Variants in ZFAT observed in about 807,000 individuals in gnomAD.
The protein encoded by ZFAT is zinc finger and AT-hook domain containing, also known as zinc finger protein ZFAT.
A neutral mutation model predicts 117.7 loss-of-function variants in ZFAT; 64 were observed. The observed-to-expected ratio is 0.54, with a 90% CI of 0.44 to 0.67. The LOEUF (loss-of-function observed/expected upper bound fraction) is 0.67. ZFAT is among the 30% of genes least tolerant of loss of function. ZFAT has a pLI of 0.00. For missense variants in ZFAT, 1,433 were observed against 1,584.5 expected, an observed-to-expected ratio of 0.90 and a Z score of 1.62; for synonymous variants, 679 against 615.0, an observed-to-expected ratio of 1.10 and a Z score of -1.54.
chr8:134,484,559 G>C (rs949240908), intron 15 of ZFAT, among the ~76,000 whole-genome samples: 1 of 152,158 alleles, frequency 6.6e-6, no homozygotes, highest in East Asian at 1.9e-4. Context: ...TCTATGGAAG[G>C]GAAGTCAAGG....
the ZFAT span, among the ~76,000 whole-genome samples, chr8:134,737,023 A>C: frequency 6.6e-6 from 1 of 152,190 alleles, no homozygotes; most frequent in African/African-American, 2.4e-5. Context: ...GCTCACGCCT[A>C]TAATCCCAGC....
the ZFAT span, among the ~76,000 whole-genome samples, chr8:134,832,284 T>G: frequency 1.3e-5 from 2 of 151,674 alleles, no homozygotes; most frequent in African/African-American, 4.8e-5. Context: ...GTTTGACCTT[T>G]CCCTCCAGTG....
chr8:134,594,340 C>A (rs577278944), intron 7 of ZFAT, among the ~76,000 whole-genome samples: 1 of 152,202 alleles, frequency 6.6e-6, no homozygotes, highest in Non-Finnish European at 1.5e-5. Context: ...AGTACACATA[C>A]TGACCGGGTG....
At chr8:134,687,066 G>A (rs1469040965) in intron 1 of ZFAT, among the ~76,000 whole-genome samples, 1 of 152,100 alleles carries the variant, frequency 6.6e-6, no homozygotes, top group Non-Finnish European at 1.5e-5. Flanking sequence ...ACCCTGCAGG[G>A]ACACAATATG....
the ZFAT span, among the ~76,000 whole-genome samples, chr8:134,728,326 G>A: frequency 6.6e-6 from 1 of 151,924 alleles, no homozygotes; most frequent in Non-Finnish European, 1.5e-5. Context: ...AAATGGAATT[G>A]TGCAAAATAT....
the ZFAT span, among the ~76,000 whole-genome samples, chr8:134,783,262 G>A: frequency 2.5e-4 from 38 of 152,202 alleles, no homozygotes; most frequent in Admixed American, 8.5e-4. Flanking sequence ...CCCCTGGGCC[G>A]AGGACCAGTA....
At chr8:134,665,504 G>A (rs1832168227) in intron 1 of ZFAT, among the ~76,000 whole-genome samples, 1 of 152,244 alleles carries the variant, frequency 6.6e-6, no homozygotes, top group African/African-American at 2.4e-5. Context: ...AGGGCAGGAT[G>A]AGTGGAACAA....
At chr8:134,761,694 G>A in the ZFAT span, among the ~76,000 whole-genome samples, 854 of 150,858 alleles carry the variant, frequency 5.7e-3, 10 homozygotes, top group African/African-American at 0.02. Flanking sequence ...GCGAGACTCC[G>A]TTTCAAAAAA....
chr8:134,666,407 T>C (rs1022623679), intron 1 of ZFAT, among the ~76,000 whole-genome samples: 1 of 152,196 alleles, frequency 6.6e-6, no homozygotes, highest in African/African-American at 2.4e-5. Context: ...CAATTAAAAA[T>C]CATTCCTCGT....
At chr8:134,767,125 G>A in the ZFAT span, 1 of 152,198 alleles carries the variant, frequency 6.6e-6, no homozygotes, top group Non-Finnish European at 1.5e-5. Context: ...TTGCTGAGAT[G>A]AAACTTACGG....
intron 15 of ZFAT, among the ~76,000 whole-genome samples, chr8:134,503,691 G>C (rs1256543865): frequency 6.6e-6 from 1 of 152,122 alleles, no homozygotes; most frequent in Non-Finnish European, 1.5e-5. Flanking sequence ...CTCCCCTTTT[G>C]AAAAGGAGGG....
At chr8:134,706,731 G>A (rs1479818445) in intron 1 of ZFAT, among the ~76,000 whole-genome samples, 1 of 152,058 alleles carries the variant, frequency 6.6e-6, no homozygotes, top group African/African-American at 2.4e-5. Context: ...GGTTGCTTGG[G>A]GTGAGGAGCA....
intron 10 of ZFAT, 193 bp from the exon 11 acceptor site, chr8:134,565,614 G>A (rs917180578): frequency 1.7e-5 from 12 of 693,014 alleles, no homozygotes; most frequent in Non-Finnish European, 2.8e-5. Flanking sequence ...GAGTGGAGAG[G>A]CACTCCCCAG....
chr8:134,798,398 C>G, the ZFAT span: 1 of 151,966 alleles, frequency 6.6e-6, no homozygotes, highest in Non-Finnish European at 1.5e-5. Flanking sequence ...ACATTTAAAA[C>G]TGATAAGCAC....
the ZFAT span, among the ~76,000 whole-genome samples, chr8:134,807,646 T>C: frequency 1.3e-5 from 2 of 151,260 alleles, no homozygotes; most frequent in Non-Finnish European, 2.9e-5. Context: ...AGAAAACACT[T>C]GGCAGAAGGC....
At chr8:134,683,398 G>A (rs937241684) in intron 1 of ZFAT, among the ~76,000 whole-genome samples, 4 of 152,204 alleles carry the variant, frequency 2.6e-5, no homozygotes, top group African/African-American at 9.6e-5. Context: ...CAGGTTGTAT[G>A]TGTGCGCATC....
At chr8:134,636,527 A>C (rs1235042823) in intron 3 of ZFAT, among the ~76,000 whole-genome samples, 1 of 152,224 alleles carries the variant, frequency 6.6e-6, no homozygotes, top group Non-Finnish European at 1.5e-5. Context: ...AGGCAAAATT[A>C]AGTTAATAAG....
At position 134,512,561 on chromosome 8, in the gene ZFAT, A is replaced by C. The variant is rs1367774653; in HGVS notation, c.3275T>G (p.Leu1092Arg). 6.2e-7 allele frequency: 1 copy of C among 1,613,900 alleles called. No individual in the cohort carries two copies. The highest frequency in any genetic ancestry group is 1.3e-5 in the African/African-American group (1 of 75,028). Residue 1092 changes from leucine to arginine, a missense_variant, in exon 14 of 16, where the codon CTC becomes CGC. This residue lies in a region of ZFAT where 503 missense variants were observed against 543.4 expected (regional missense o/e 0.93). Transcript: ENST00000377838. ...GTCTTCTTCGGCCTCTGTGATGTGG[A>C]GATACTGGGTGGAGGGCTCCTCAGG... ...EAPEEPSTQY[L>R]HITEAEEDVQ...
At chr8:134,729,555 G>A in the ZFAT span, among the ~76,000 whole-genome samples, 3 of 152,176 alleles carry the variant, frequency 2.0e-5, no homozygotes, top group East Asian at 1.9e-4. Flanking sequence ...GGATGGTCTC[G>A]ATCTCCTGAC....
Sources: allele counts gnomAD v4.1 joint callset (sites outside exome capture counted in the v4.1 genomes callset), GRCh38; gene constraint gnomAD v4.1.1; regional missense constraint gnomAD v4.1.1; transcripts MANE v1.5; gene names NCBI Gene and HGNC (gene_info 2026-07-23, HGNC 2026-07-21).